Variants in CACNA2D2 observed in about 807,000 individuals in gnomAD.
CACNA2D2 encodes the protein calcium voltage-gated channel auxiliary subunit alpha2delta 2.
CACNA2D2 carries 48 observed loss-of-function variants against 166.4 expected under a neutral mutation model. The observed-to-expected ratio is 0.29, with a 90% CI of 0.23 to 0.37. The LOEUF (loss-of-function observed/expected upper bound fraction) is 0.37, where lower values mean the gene tolerates loss of function less well. Among genes scored for constraint, CACNA2D2 ranks in the 10% least tolerant of loss-of-function variants. The pLI, the probability that CACNA2D2 is intolerant of heterozygous loss-of-function variation, is 1.00. For synonymous variants in CACNA2D2, 561 were observed against 573.7 expected (o/e 0.98, Z 0.32); for missense variants, 1,122 against 1,433.0 (o/e 0.78, Z 3.50).
At chr3:50,464,044 G>A (rs1709708850) in intron 2 of CACNA2D2, among the ~76,000 whole-genome samples, 1 of 152,218 alleles carries the variant, frequency 6.6e-6, no homozygotes, top group African/African-American at 2.4e-5. Context: ...AGGCAGGACA[G>A]CAGGCCAGGT....
At chr3:50,467,707 G>T (rs1709880462) in intron 2 of CACNA2D2, among the ~76,000 whole-genome samples, 1 of 152,154 alleles carries the variant, frequency 6.6e-6, no homozygotes, top group Non-Finnish European at 1.5e-5. Context: ...ACAAGGAGGG[G>T]GTGTGCCTAG....
intron 1 of CACNA2D2, among the ~76,000 whole-genome samples, chr3:50,493,611 A>G (rs1423480235): frequency 6.6e-6 from 1 of 152,216 alleles, no homozygotes; most frequent in Non-Finnish European, 1.5e-5. Context: ...GTCAGGGGAT[A>G]AAGGGCCCAC....
In CACNA2D2 at chr3:50,407,045, T is replaced by C. The variant is rs544412869; in HGVS notation, c.406-12877A>G. Among the ~76,000 whole-genome samples, 14 of 151,954 alleles carry C rather than the reference T, an allele frequency of 9.2e-5. 2 individuals carry two copies. In the East Asian group the frequency reaches 2.5e-3, roughly 27 times the overall value. Reference sequence around the variant, plus strand: ...GTGCTTGTATCTAGGTACCTTGACCTAGGTGCTTGATCTAGGTATCTGTGA... The same window carrying C: ...GTGCTTGTATCTAGGTACCTTGACCCAGGTGCTTGATCTAGGTATCTGTGA... On this transcript the variant is annotated intron_variant, in intron 3 of 37. Transcript: ENST00000424201.
At chr3:50,410,172 G>A (rs960828022) in intron 3 of CACNA2D2, among the ~76,000 whole-genome samples, 10 of 152,218 alleles carry the variant, frequency 6.6e-5, no homozygotes, top group Non-Finnish European at 1.2e-4. Context: ...ACCCTTTGGG[G>A]GCGGCTGTGC....
chr3:50,374,957 C>T, intron 21 of CACNA2D2, 144 bp from the exon 22 acceptor site: 1 of 712,436 alleles, frequency 1.4e-6, no homozygotes, highest in Non-Finnish European at 2.4e-6. Context: ...CGCTTAGCTG[C>T]AGGAGGTTCA....
chr3:50,458,528 C>T (rs573464175), intron 2 of CACNA2D2, among the ~76,000 whole-genome samples: 15 of 152,304 alleles, frequency 9.8e-5, no homozygotes, highest in Non-Finnish European at 1.9e-4. Flanking sequence ...CCAAAGAACC[C>T]CCTGTTCATC....
rs2107205857 is a variant in CACNA2D2, at chr3:50,503,368, G to C, written c.56C>G (p.Ala19Gly). The C allele has an allele frequency of 3.6e-6, 1 of 280,998 alleles. No homozygotes were observed. Among genetic ancestry groups the C allele is most frequent in the African/African-American group, 2.3e-5 (1 of 44,408 alleles). The allele number at this position is 280,998 out of a possible 1,614,324, so 17.4% of individuals were successfully genotyped here. A position where few individuals can be genotyped will look rare whatever the true frequency, so the allele number is the denominator to read the frequency against. ...GASRPGPART[A>G]RPWPGCGPHP... ...GGGGCCGCAGCCGGGCCAGGGGCGC[G>C]CAGTCCGCGCTGGGCCGGGCCGAGA... is the stretch of plus-strand genomic sequence containing the variant. Residue 19 changes from alanine to glycine, a missense_variant, in exon 1 of 38, where the codon GCG becomes GGG. Ala to Gly is a moderately conservative substitution (Grantham distance 60). Around this residue, in one of 2 missense-constraint regions of CACNA2D2, gnomAD observed 840 missense variants for 1,166.8 expected, o/e 0.72. Coordinates refer to ENST00000424201, the MANE Select transcript of CACNA2D2 (RefSeq NM_006030.4).
chr3:50,431,722 G>A (rs1052828195), intron 3 of CACNA2D2, among the ~76,000 whole-genome samples: 3 of 152,092 alleles, frequency 2.0e-5, no homozygotes, highest in Admixed American at 6.5e-5. Context: ...CGGTGGCTCA[G>A]GCCTGTAATC....
Position 50,364,757 on chromosome 3 carries a change from C to G in CACNA2D2, c.3341G>C (p.Gly1114Ala). 6.4e-7 allele frequency: 1 copy of G among 1,574,762 alleles called. No homozygotes were observed. Among genetic ancestry groups the G allele is most frequent in the East Asian group, 2.4e-5 (1 of 41,932 alleles). ...CAGCAGTTGCAGGGAGACCAGGACG[C>G]CCAGCGACGGCGGGAAGGAGGCCCC... ...GRGASFPPSL[G>A]VLVSLQLLLL... is the part of the protein sequence containing the mutation. The change falls in exon 38 of 38, where the codon GGC becomes GCC. Residue 1114 changes from glycine to alanine, a missense_variant. This residue lies in a region of CACNA2D2 where 282 missense variants were observed against 266.2 expected (regional missense o/e 1.06). Transcript: ENST00000424201.
At chr3:50,431,710 T>C (rs1053852852) in intron 3 of CACNA2D2, among the ~76,000 whole-genome samples, 1 of 152,064 alleles carries the variant, frequency 6.6e-6, no homozygotes, top group Admixed American at 6.5e-5. Flanking sequence ...CTGGGCCAGA[T>C]GCGGTGGCTC....
intron 2 of CACNA2D2, among the ~76,000 whole-genome samples, chr3:50,473,366 C>A (rs777385930): frequency 4.6e-5 from 7 of 152,218 alleles, no homozygotes; most frequent in Non-Finnish European, 8.8e-5. Flanking sequence ...CTCCAAGCTA[C>A]TGGGAGTGGG....
intron 2 of CACNA2D2, among the ~76,000 whole-genome samples, chr3:50,442,078 G>A (rs1016071642): frequency 2.0e-5 from 3 of 152,218 alleles, no homozygotes; most frequent in African/African-American, 7.2e-5. Context: ...ATGGCCGTGT[G>A]CCTATGTGAA....
intron 2 of CACNA2D2, among the ~76,000 whole-genome samples, chr3:50,435,134 GGTGTGTGTGT>G (rs58208345): frequency 6.7e-6 from 1 of 149,694 alleles, no homozygotes; most frequent in Non-Finnish European, 1.5e-5. Context: ...TAAATCTGAG[GGTGTGTGTGT>G]GTGTGTGTGT....
At chr3:50,502,986 G>C (rs959408095) in intron 1 of CACNA2D2, among the ~76,000 whole-genome samples, 1 of 152,200 alleles carries the variant, frequency 6.6e-6, no homozygotes, top group African/African-American at 2.4e-5. Context: ...TGCCTCATTC[G>C]GGGGATTTGG....
chr3:50,480,855 T>TACGGGA (rs1276791531), intron 1 of CACNA2D2, among the ~76,000 whole-genome samples: 1 of 4,318 alleles, frequency 2.3e-4, no homozygotes, highest in Non-Finnish European at 4.0e-4. Context: ...GAGGAATGGG[T>TACGGGA]ACGGGAACGG....
chr3:50,485,663 A>C (rs1436003855), intron 1 of CACNA2D2, among the ~76,000 whole-genome samples: 2 of 152,248 alleles, frequency 1.3e-5, no homozygotes, highest in Admixed American at 1.3e-4. Flanking sequence ...AGGCAGGCAC[A>C]CATGGTAACA....
At chr3:50,474,292 G>A (rs139438313) in intron 2 of CACNA2D2, among the ~76,000 whole-genome samples, 2 of 152,278 alleles carry the variant, frequency 1.3e-5, no homozygotes, top group Non-Finnish European at 2.9e-5. Context: ...ATCAATGAGG[G>A]AAATTCAAAT....
chr3:50,423,829 C>T (rs1406888194), intron 3 of CACNA2D2, among the ~76,000 whole-genome samples: 1 of 152,250 alleles, frequency 6.6e-6, no homozygotes, highest in Non-Finnish European at 1.5e-5. Context: ...ATACTTTGGC[C>T]CTCAGAGATG....
chr3:50,496,430 G>A (rs551937349), intron 1 of CACNA2D2, among the ~76,000 whole-genome samples: 126 of 152,232 alleles, frequency 8.3e-4, no homozygotes, highest in African/African-American at 2.7e-3. Flanking sequence ...GTGTAGACAC[G>A]CCCACATACA....
Sources: allele counts gnomAD v4.1 joint callset (sites outside exome capture counted in the v4.1 genomes callset), GRCh38; gene constraint gnomAD v4.1.1; regional missense constraint gnomAD v4.1.1; transcripts MANE v1.5; gene names NCBI Gene and HGNC (gene_info 2026-07-23, HGNC 2026-07-21).